PCLO: variants seen among roughly 807,000 people sequenced by gnomAD.
PCLO encodes piccolo presynaptic cytomatrix protein, also known as protein piccolo.
A neutral mutation model predicts 427.5 loss-of-function variants in PCLO; 82 were observed. The ratio of observed to expected loss-of-function variants is 0.19; its 90% CI spans 0.16 to 0.23. The LOEUF (loss-of-function observed/expected upper bound fraction) is 0.23, where lower values mean the gene tolerates loss of function less well. PCLO is among the 10% of genes least tolerant of loss of function. The probability of loss-of-function intolerance (pLI) is 1.00; values close to 1 mark genes in which losing one functional copy is unlikely to be tolerated. For synonymous variants in PCLO, 2,357 were observed against 2,155.4 expected (o/e 1.09, Z -2.59); for missense variants, 6,239 against 6,115.9 (o/e 1.02, Z -0.67).
intron 22 of PCLO, among the ~76,000 whole-genome samples, chr7:82,799,637 C>T (rs1474912471): frequency 6.6e-6 from 1 of 152,156 alleles, no homozygotes; most frequent in Admixed American, 6.5e-5. Flanking sequence ...ACCTCTCCGT[C>T]AACTGGCTTC....
chr7:83,043,912 C>CTTTTCTTTTT (rs1789033893), intron 3 of PCLO, among the ~76,000 whole-genome samples: 1 of 94,902 alleles, frequency 1.1e-5, no homozygotes, highest in Non-Finnish European at 2.0e-5. Context: ...CTATTATTTT[C>CTTTTCTTTTT]TTTTTTTTTT....
chr7:82,799,950 T>A (rs1335283120), intron 22 of PCLO, among the ~76,000 whole-genome samples: 6 of 152,192 alleles, frequency 3.9e-5, no homozygotes, highest in Non-Finnish European at 8.8e-5. Flanking sequence ...TTCAGAGCCA[T>A]TTCTAGTTTC....
intron 22 of PCLO, among the ~76,000 whole-genome samples, chr7:82,771,582 T>C (rs1790648073): frequency 6.6e-6 from 1 of 152,052 alleles, no homozygotes; most frequent in Non-Finnish European, 1.5e-5. Context: ...TAGCAACCAT[T>C]TTAAATACAG....
At chr7:82,769,891 C>A (rs1306605704) in intron 22 of PCLO, among the ~76,000 whole-genome samples, 1 of 152,064 alleles carries the variant, frequency 6.6e-6, no homozygotes, top group Non-Finnish European at 1.5e-5. Flanking sequence ...AACTCTAAGA[C>A]AGATTTTAAA....
At chr7:82,763,586 G>C (rs1249472928) in intron 22 of PCLO, among the ~76,000 whole-genome samples, 2 of 151,870 alleles carry the variant, frequency 1.3e-5, no homozygotes, top group African/African-American at 2.4e-5. Context: ...TTCTTTTCTG[G>C]ATTAAGCAAC....
chr7:83,134,246 T>TATATAAAA lies in PCLO; in HGVS notation c.3300+3_3300+4insTTTTATAT. 1 of 1,098,568 alleles carries TATATAAAA rather than the reference T, an allele frequency of 9.1e-7. No individual in the cohort carries two copies. The highest frequency in any genetic ancestry group is 1.3e-6 in the Non-Finnish European group (1 of 772,366). The allele number at this position is 1,098,568 out of a possible 1,614,324, so 68.1% of individuals were successfully genotyped here. A position where few individuals can be genotyped will look rare whatever the true frequency, so the allele number is the denominator to read the frequency against. ...ATATATATATATATATATATATAACTTACCTCAGTCAAATGTGGTGTAGGG... is the reference window on the plus strand; with the variant it reads ...ATATATATATATATATATATATAACTATATAAAATACCTCAGTCAAATGTGGTGTAGGG... On this transcript the variant is annotated splice_donor_region_variant and intron_variant, in intron 3 of 24. Coordinates refer to ENST00000333891, the MANE Select transcript of PCLO (RefSeq NM_033026.6).
In PCLO at chr7:82,999,492, T is replaced by A. The variant is rs28577004; in HGVS notation, c.3301-33005A>T. On this transcript the variant is annotated intron_variant, in intron 3 of 24. Coordinates refer to ENST00000333891, the MANE Select transcript of PCLO (RefSeq NM_033026.6). The stretch of plus-strand genomic sequence containing the variant: ...ATATATCCATTATTATAAAATATAA[T>A]ATATATAATATTATATTAAAATATA... Among the ~76,000 whole-genome samples, 109 of 18,648 alleles carry A rather than the reference T, an allele frequency of 5.8e-3. 33 individuals carry two copies. The African/African-American group carries it at 0.074, about 13-fold the overall frequency. 12.2% of individuals were successfully genotyped at this position (18,648 alleles called of 152,430 possible). A position where few individuals can be genotyped will look rare whatever the true frequency, so the allele number is the denominator to read the frequency against.
intron 16 of PCLO, among the ~76,000 whole-genome samples, chr7:82,832,430 T>G (rs980491461): frequency 1.2e-4 from 19 of 152,018 alleles, no homozygotes; most frequent in African/African-American, 4.6e-4. Flanking sequence ...TTTTTTTGTA[T>G]TTTTAGTAGA....
chr7:82,801,470 G>A (rs1791351116), intron 22 of PCLO, 48 bp downstream of exon 22: 2 of 938,278 alleles, frequency 2.1e-6, no homozygotes, highest in Non-Finnish European at 3.5e-6. Context: ...CACTTATACT[G>A]TAGAATGCAG....
chr7:82,966,296 T>A lies in PCLO; in HGVS notation c.3492A>T (p.Val1164=). The A allele has an allele frequency of 6.2e-7, 1 of 1,613,300 alleles. No individual in the cohort carries two copies. The highest frequency in any genetic ancestry group is 8.5e-7 in the Non-Finnish European group (1 of 1,179,764). The change falls in exon 4 of 25, where the codon GTA becomes GTT. Residue 1164 remains valine, a synonymous_variant. Coordinates refer to ENST00000333891, the MANE Select transcript of PCLO (RefSeq NM_033026.6). Reference sequence around the variant, plus strand: ...GAATGACTTTTTCAGCTTCCGTTTTTACTTCTTGTTCTTGCTTTTTCACTA... The same window carrying A: ...GAATGACTTTTTCAGCTTCCGTTTTAACTTCTTGTTCTTGCTTTTTCACTA... ...VKLVKKQEQE[V]KTEAEKVILE...
Position 82,955,880 on chromosome 7 carries a change from C to A in PCLO, c.5073G>T (p.Leu1691Phe). ...SAESSQKKTS[L>F]YFDEEPELEM... ...CCAATTCTGGCTCTTCGTCAAAATA[C>A]AAACTTGTTTTTTTCTGTGATGACT... Residue 1691 changes from leucine (L) to phenylalanine (F), a missense_variant, in exon 5 of 25, where the codon TTG (leucine) becomes TTT (phenylalanine). Around this residue, in one of 5 missense-constraint regions of PCLO, gnomAD observed 4,677 missense variants for 4,468.4 expected, o/e 1.05. Coordinates refer to ENST00000333891, the MANE Select transcript of PCLO (RefSeq NM_033026.6). 6.2e-7 allele frequency: 1 copy of A among 1,613,904 alleles called. No individual in the cohort carries two copies. The highest frequency in any genetic ancestry group is 8.5e-7 in the Non-Finnish European group (1 of 1,179,838).
intron 3 of PCLO, among the ~76,000 whole-genome samples, chr7:83,000,887 T>C (rs1279831539): frequency 6.6e-6 from 1 of 152,102 alleles, no homozygotes; most frequent in Admixed American, 6.6e-5. Flanking sequence ...AAAACAATAA[T>C]AGTAATAATG....
At chr7:82,787,048 C>T (rs148869360) in intron 22 of PCLO, among the ~76,000 whole-genome samples, 2,611 of 152,036 alleles carry the variant, frequency 0.017, 35 homozygotes, top group Non-Finnish European at 0.026. Context: ...AATAAACATA[C>T]GTGTGCATGT....
intron 10 of PCLO, among the ~76,000 whole-genome samples, chr7:82,858,473 A>C (rs1236420039): frequency 6.6e-6 from 1 of 152,172 alleles, no homozygotes; most frequent in Admixed American, 6.5e-5. Flanking sequence ...AAAGAAAAAG[A>C]AAGAAAATAC....
chr7:83,098,736 C>G (rs143461902), intron 3 of PCLO, among the ~76,000 whole-genome samples: 103 of 152,232 alleles, frequency 6.8e-4, no homozygotes, highest in African/African-American at 2.4e-3. Flanking sequence ...ACCAACTACT[C>G]TTTTATACTC....
intron 16 of PCLO, among the ~76,000 whole-genome samples, chr7:82,832,322 G>A (rs1792115579): frequency 1.3e-5 from 2 of 151,938 alleles, no homozygotes; most frequent in African/African-American, 4.8e-5. Context: ...TGCAATCTCG[G>A]CTCACTACAA....
intron 9 of PCLO, among the ~76,000 whole-genome samples, chr7:82,895,896 T>C (rs1793892184): frequency 6.6e-6 from 1 of 151,864 alleles, no homozygotes; most frequent in Non-Finnish European, 1.5e-5. Flanking sequence ...AAATGAATAA[T>C]ACGAATTCTT....
chr7:82,764,837 A>T (rs1191348248), intron 22 of PCLO, among the ~76,000 whole-genome samples: 1 of 151,984 alleles, frequency 6.6e-6, no homozygotes, highest in Non-Finnish European at 1.5e-5. Flanking sequence ...AGTAAAGATG[A>T]TAATAATGCA....
chr7:83,116,516 T>C (rs1420853266), intron 3 of PCLO, among the ~76,000 whole-genome samples: 1 of 152,172 alleles, frequency 6.6e-6, no homozygotes, highest in East Asian at 1.9e-4. Flanking sequence ...TTTTTAAAAA[T>C]TCACAAGTTG....
Sources: allele counts gnomAD v4.1 joint callset (sites outside exome capture counted in the v4.1 genomes callset), GRCh38; gene constraint gnomAD v4.1.1; regional missense constraint gnomAD v4.1.1; transcripts MANE v1.5; gene names NCBI Gene and HGNC (gene_info 2026-07-23, HGNC 2026-07-21).